The following DACH2 variants were observed in gnomAD, a reference collection of about 807,000 sequenced individuals.
DACH2 encodes the protein dachshund family transcription factor 2.
Under a neutral mutation model 35.8 loss-of-function variants are expected in DACH2, and 17 were observed. The observed-to-expected ratio is 0.48, with a 90% CI of 0.33 to 0.71. The LOEUF is 0.71. Among genes scored for constraint, DACH2 ranks in the 30% least tolerant of loss-of-function variants. The pLI, the probability that DACH2 is intolerant of heterozygous loss-of-function variation, is 0.02. For missense variants in DACH2, 469 were observed against 472.7 expected, an observed-to-expected ratio of 0.99 and a Z score of 0.07; for synonymous variants, 195 against 177.3, an observed-to-expected ratio of 1.10 and a Z score of -0.79.
intron 1 of DACH2, among the ~76,000 whole-genome samples, chrX:86,319,009 A>T (rs1569346710): frequency 8.9e-6 from 1 of 112,126 alleles, no homozygotes; most frequent in Non-Finnish European, 1.9e-5. Flanking sequence ...GTTAAACCTA[A>T]TTTTTTAATG....
chrX:86,302,009 C>A (rs2034585186), intron 1 of DACH2, among the ~76,000 whole-genome samples: 1 of 111,240 alleles, frequency 9.0e-6, no homozygotes, highest in Non-Finnish European at 1.9e-5. Flanking sequence ...AGTTAATGTC[C>A]TTTTTATCTG....
Position 86,181,010 on chromosome X carries a change from A to G in DACH2, c.488+31902A>G, listed in dbSNP as rs747453602. On this transcript the variant is annotated intron_variant, in intron 1 of 11. Transcript: ENST00000373125. ...GTCCCTTAGAACTTATTCCATTGCTACCTCATGAAGCTTTATCTCACTTTT... is the reference window on the plus strand; with the variant it reads ...GTCCCTTAGAACTTATTCCATTGCTGCCTCATGAAGCTTTATCTCACTTTT... Among the ~76,000 whole-genome samples, 6 of 110,298 alleles carry G rather than the reference A, an allele frequency of 5.4e-5. 1 individual carries two copies. The South Asian group carries it at 2.3e-3, about 43-fold the overall frequency.
chrX:86,626,837 G>A (rs2040144156), intron 3 of DACH2, among the ~76,000 whole-genome samples: 1 of 112,644 alleles, frequency 8.9e-6, no homozygotes, highest in Non-Finnish European at 1.9e-5. Flanking sequence ...CCTGGGCCCT[G>A]CCCAGGAAAC....
intron 3 of DACH2, among the ~76,000 whole-genome samples, chrX:86,626,763 G>T (rs958401587): frequency 8.9e-6 from 1 of 112,764 alleles, no homozygotes; most frequent in Non-Finnish European, 1.9e-5. Context: ...CTGTATGTTG[G>T]TCACTTTTAG....
intron 7 of DACH2, among the ~76,000 whole-genome samples, chrX:86,774,345 G>A (rs1241263062): frequency 1.8e-5 from 2 of 111,848 alleles, no homozygotes; most frequent in Admixed American, 1.9e-4. Flanking sequence ...TTCATCTGTT[G>A]AAATAATTAC....
chrX:86,277,859 C>T (rs1197652972), intron 1 of DACH2, among the ~76,000 whole-genome samples: 1 of 105,693 alleles, frequency 9.5e-6, no homozygotes, highest in African/African-American at 3.5e-5. Context: ...GGTGAAACAG[C>T]CAATAAGTGG....
At chrX:86,166,461 T>C (rs1178794947) in intron 1 of DACH2, among the ~76,000 whole-genome samples, 1 of 111,820 alleles carries the variant, frequency 8.9e-6, no homozygotes, top group African/African-American at 3.2e-5. Flanking sequence ...AACAACTTTC[T>C]TGTGGAGTCT....
intron 7 of DACH2, among the ~76,000 whole-genome samples, chrX:86,753,055 T>TACAC (rs752782082): frequency 4.8e-5 from 2 of 41,997 alleles, no homozygotes; most frequent in African/African-American, 2.0e-4. Context: ...TTATTAAAAG[T>TACAC]ACACACACAC....
intron 2 of DACH2, among the ~76,000 whole-genome samples, chrX:86,397,553 G>C (rs917485060): frequency 2.7e-5 from 3 of 111,440 alleles, no homozygotes; most frequent in Non-Finnish European, 5.7e-5. Context: ...TTATTATTTT[G>C]AGATACGTCC....
chrX:86,699,937 T>C (rs1326432073), intron 5 of DACH2, among the ~76,000 whole-genome samples: 1 of 111,961 alleles, frequency 8.9e-6, no homozygotes, highest in East Asian at 2.8e-4. Context: ...TTTCTTGATT[T>C]CTGCCTTAAT....
chrX:86,308,804 G>A (rs990116799), intron 1 of DACH2, among the ~76,000 whole-genome samples: 4 of 111,521 alleles, frequency 3.6e-5, no homozygotes, highest in African/African-American at 6.5e-5. Context: ...GTTGATTCCA[G>A]GCAACTCATA....
intron 4 of DACH2, among the ~76,000 whole-genome samples, chrX:86,659,472 T>G (rs1411425404): frequency 9.0e-6 from 1 of 111,226 alleles, no homozygotes. Context: ...CAATTAATAA[T>G]TTGAAATGAT....
At chrX:86,806,183 C>T (rs2042342977) in intron 7 of DACH2, among the ~76,000 whole-genome samples, 1 of 111,365 alleles carries the variant, frequency 9.0e-6, no homozygotes, top group South Asian at 3.7e-4. Context: ...GTTTCACAGG[C>T]TGTACAGGAA....
intron 11 of DACH2, among the ~76,000 whole-genome samples, chrX:86,826,157 A>C (rs1050976688): frequency 1.8e-5 from 2 of 111,461 alleles, no homozygotes; most frequent in Non-Finnish European, 3.8e-5. Flanking sequence ...GGTTAATGAC[A>C]TCTCTACATT....
At chrX:86,286,139 T>TTTTTTTTTA (rs1491265125) in intron 1 of DACH2, among the ~76,000 whole-genome samples, 1 of 1,171 alleles carries the variant, frequency 8.5e-4, no homozygotes, top group Non-Finnish European at 4.9e-3. Flanking sequence ...TTTTTTTTTT[T>TTTTTTTTTA]GAGACGGATC....
At chrX:86,581,634 A>T (rs1236116385) in intron 3 of DACH2, among the ~76,000 whole-genome samples, 1 of 112,051 alleles carries the variant, frequency 8.9e-6, no homozygotes, top group African/African-American at 3.2e-5. Context: ...AAAAAAAAAT[A>T]AAAAATTGGC....
chrX:86,547,719 C>T (rs960668624), intron 3 of DACH2, among the ~76,000 whole-genome samples: 5 of 111,788 alleles, frequency 4.5e-5, no homozygotes, highest in Non-Finnish European at 7.5e-5. Flanking sequence ...ATACCATTAG[C>T]GCTGATTGGG....
chrX:86,227,421 A>T (rs1419937488), intron 1 of DACH2, among the ~76,000 whole-genome samples: 1 of 110,731 alleles, frequency 9.0e-6, no homozygotes, highest in Admixed American at 9.7e-5. Flanking sequence ...AATTTTCTTT[A>T]TTTTGTATTG....
intron 1 of DACH2, among the ~76,000 whole-genome samples, chrX:86,337,553 C>T (rs1448709274): frequency 8.9e-6 from 1 of 111,905 alleles, no homozygotes; most frequent in African/African-American, 3.3e-5. Flanking sequence ...ACAAGAGCTC[C>T]TGAAAGAAGC....
Sources: gnomAD v4.1 joint callset for allele counts (sites outside exome capture counted in the v4.1 genomes callset) on GRCh38, gnomAD v4.1.1 for gene constraint, MANE v1.5 for transcripts, NCBI Gene and HGNC (gene_info 2026-07-23, HGNC 2026-07-21) for gene names.